Variants in DLGAP2 observed in about 807,000 individuals in gnomAD.
DLGAP2 encodes disks large-associated protein 2.
Under a neutral mutation model 100.3 loss-of-function variants are expected in DLGAP2, and 26 were observed. The observed-to-expected ratio is 0.26, with a 90% CI of 0.19 to 0.36. The LOEUF (loss-of-function observed/expected upper bound fraction) is 0.36. Ranked by LOEUF, DLGAP2 falls within the 10% of genes least tolerant of loss-of-function variation. The pLI is 1.00. For missense variants in DLGAP2, 1,858 were observed against 1,453.2 expected (o/e 1.28, Z -4.53); for synonymous variants, 886 against 630.1 (o/e 1.41, Z -6.08).
chr8:950,452 C>T (rs1799450132), intron 2 of DLGAP2, among the ~76,000 whole-genome samples: 1 of 152,018 alleles, frequency 6.6e-6, no homozygotes, highest in Admixed American at 6.6e-5. Flanking sequence ...ACTTGCAGCA[C>T]CATTTATGAA....
At chr8:808,974 T>G (rs1306241809) in intron 1 of DLGAP2, among the ~76,000 whole-genome samples, 3 of 151,272 alleles carry the variant, frequency 2.0e-5, no homozygotes, top group Non-Finnish European at 4.4e-5. Flanking sequence ...TAGTATGATC[T>G]TGGCTCACTG....
chr8:1,289,129 G>C (rs1243861381), intron 3 of DLGAP2, among the ~76,000 whole-genome samples: 1 of 152,146 alleles, frequency 6.6e-6, no homozygotes, highest in African/African-American at 2.4e-5. Context: ...GAGACCCCAG[G>C]CTGTTTTTAG....
chr8:1,089,630 A>G (rs1804105457), intron 2 of DLGAP2, among the ~76,000 whole-genome samples: 2 of 152,266 alleles, frequency 1.3e-5, no homozygotes, highest in African/African-American at 2.4e-5. Flanking sequence ...AATGTGCTGA[A>G]AAATGATAGG....
At chr8:1,217,759 C>CT (rs941438238) in intron 2 of DLGAP2, among the ~76,000 whole-genome samples, 1 of 152,136 alleles carries the variant, frequency 6.6e-6, no homozygotes, top group African/African-American at 2.4e-5. Context: ...TATCTTTTCT[C>CT]TGCAACCTTG....
chr8:1,275,477 A>G (rs1799663869), intron 3 of DLGAP2, among the ~76,000 whole-genome samples: 1 of 150,854 alleles, frequency 6.6e-6, no homozygotes, highest in African/African-American at 2.4e-5. Flanking sequence ...AGATGACTTC[A>G]TTCTCCAGTC....
At chr8:1,386,458 A>C (rs1349466935) in intron 3 of DLGAP2, among the ~76,000 whole-genome samples, 2 of 152,214 alleles carry the variant, frequency 1.3e-5, no homozygotes, top group African/African-American at 2.4e-5. Context: ...CCAGAGCGGC[A>C]GGGACAGCTG....
At chr8:1,006,295 C>T (rs979108647) in intron 2 of DLGAP2, among the ~76,000 whole-genome samples, 6 of 152,184 alleles carry the variant, frequency 3.9e-5, no homozygotes, top group South Asian at 2.1e-4. Flanking sequence ...ACATCGAGGA[C>T]GCCATGTGTC....
intron 1 of DLGAP2, among the ~76,000 whole-genome samples, chr8:847,654 ACGCAAC>A (rs1387140922): frequency 2.6e-5 from 4 of 151,940 alleles, no homozygotes; most frequent in Admixed American, 2.0e-4. Flanking sequence ...CTATAGGCGC[ACGCAAC>A]CACACCTGGC....
intron 3 of DLGAP2, among the ~76,000 whole-genome samples, chr8:1,334,400 G>T (rs900305462): frequency 1.4e-4 from 22 of 152,192 alleles, no homozygotes; most frequent in Admixed American, 1.4e-3. Flanking sequence ...CACATCAAAT[G>T]GTGGATATGT....
At position 1,131,042 on chromosome 8, in the gene DLGAP2, C is replaced by T. The variant is rs746391014; in HGVS notation, c.74-127809C>T. ...CCACTCAGTTTTCTTTAGAAGGATG[C>T]GCATTATTTTCCTTAATTTTGAGAA... On this transcript the variant is annotated intron_variant, in intron 2 of 14. Transcript: ENST00000637795. Among the ~76,000 whole-genome samples the T allele has an allele frequency of 7.9e-5, 12 of 152,220 alleles. No individual in the cohort carries two copies. The East Asian group carries it at 1.4e-3, about 17-fold the overall frequency.
chr8:1,441,008 G>A (rs1797814723), intron 3 of DLGAP2, among the ~76,000 whole-genome samples: 1 of 152,138 alleles, frequency 6.6e-6, no homozygotes, highest in South Asian at 2.1e-4. Context: ...CAAATGGTAG[G>A]GGCATACATA....
intron 2 of DLGAP2, among the ~76,000 whole-genome samples, chr8:971,282 C>T (rs1255585351): frequency 1.3e-5 from 2 of 152,172 alleles, no homozygotes; most frequent in Non-Finnish European, 2.9e-5. Context: ...GAAAAGTGGA[C>T]AGAGGGTTTC....
intron 3 of DLGAP2, among the ~76,000 whole-genome samples, chr8:1,279,739 G>A (rs1799777958): frequency 6.6e-6 from 1 of 152,190 alleles, no homozygotes; most frequent in East Asian, 1.9e-4. Context: ...GTGGCTGTAG[G>A]ATTCATGGCA....
chr8:923,382 C>A (rs1798752709), intron 2 of DLGAP2, among the ~76,000 whole-genome samples: 1 of 152,216 alleles, frequency 6.6e-6, no homozygotes, highest in Non-Finnish European at 1.5e-5. Flanking sequence ...GGGGCCACTG[C>A]CTTGATGGAT....
At chr8:1,198,638 G>A (rs1271848805) in intron 2 of DLGAP2, among the ~76,000 whole-genome samples, 2 of 152,190 alleles carry the variant, frequency 1.3e-5, no homozygotes, top group Admixed American at 6.5e-5. Context: ...AAAGGCAAGG[G>A]GAGAAAGGCC....
At chr8:1,190,816 G>C (rs1033642327) in intron 2 of DLGAP2, among the ~76,000 whole-genome samples, 2 of 151,936 alleles carry the variant, frequency 1.3e-5, no homozygotes, top group Non-Finnish European at 1.5e-5. Context: ...GGGTCTGTAG[G>C]GGGCAGACCC....
intron 2 of DLGAP2, among the ~76,000 whole-genome samples, chr8:1,216,850 G>T (rs1019849044): frequency 6.6e-6 from 1 of 152,034 alleles, no homozygotes; most frequent in African/African-American, 2.4e-5. Flanking sequence ...GTCTTAGTTG[G>T]GGGAAAGTAA....
chr8:948,938 A>G (rs528315515), intron 2 of DLGAP2, among the ~76,000 whole-genome samples: 2 of 145,536 alleles, frequency 1.4e-5, no homozygotes, highest in Non-Finnish European at 3.0e-5. Context: ...GGGGGACGCC[A>G]GGGTGAGAGC....
chr8:1,412,711 G>C (rs1296414432), intron 3 of DLGAP2, among the ~76,000 whole-genome samples: 1 of 152,160 alleles, frequency 6.6e-6, no homozygotes, highest in Non-Finnish European at 1.5e-5. Context: ...AGTCTTTCTT[G>C]CTGTTCTTGG....
Sources: allele counts gnomAD v4.1 joint callset (sites outside exome capture counted in the v4.1 genomes callset), GRCh38; gene constraint gnomAD v4.1.1; transcripts MANE v1.5; gene names NCBI Gene and HGNC (gene_info 2026-07-23, HGNC 2026-07-21).